Variants in RWDD3 observed in about 807,000 individuals in gnomAD.
The protein encoded by RWDD3 is RWD domain-containing protein 3.
RWDD3 carries 30 observed loss-of-function variants against 26.5 expected under a neutral mutation model. The ratio of observed to expected loss-of-function variants is 1.13; its 90% CI spans 0.85 to 1.54. RWDD3 has a LOEUF of 1.54. RWDD3 is among the 40% of genes most tolerant of loss of function. The pLI is 0.00. For missense variants in RWDD3, 296 were observed against 309.1 expected (o/e 0.96, Z 0.32); for synonymous variants, 113 against 114.5 (o/e 0.99, Z 0.09).
intron 1 of RWDD3, among the ~76,000 whole-genome samples, chr1:95,242,645 G>A (rs1471869256): frequency 1.3e-5 from 2 of 152,142 alleles, no homozygotes; most frequent in East Asian, 1.9e-4. Context: ...TAGGCCGGGT[G>A]CGGTGGCTCA....
intron 1 of RWDD3, among the ~76,000 whole-genome samples, chr1:95,239,367 G>C (rs1680508323): frequency 6.6e-6 from 1 of 152,174 alleles, no homozygotes; most frequent in South Asian, 2.1e-4. Context: ...TGTGTCATAT[G>C]AAAAATTCTG....
chr1:95,237,797 A>G (rs915092896), intron 1 of RWDD3, among the ~76,000 whole-genome samples: 6 of 152,154 alleles, frequency 3.9e-5, no homozygotes, highest in African/African-American at 1.2e-4. Flanking sequence ...TACTTCACAG[A>G]GAAGATAACT....
rs148567365 is a variant in RWDD3 at position 95,241,232 on chromosome 1, C to A, written c.86-2979C>A. ...ACAACTGCAGTTCCTTGGTCACTAA[C>A]ACACTTCCATGGATTCAGCCAGTAA... On this transcript the variant is annotated intron_variant, in intron 1 of 3. Transcript: ENST00000370202. Among the ~76,000 whole-genome samples the A allele has an allele frequency of 9.2e-5, 14 of 152,180 alleles. No individual in the cohort carries two copies. In the East Asian group the frequency reaches 2.7e-3, roughly 29 times the overall value.
intron 1 of RWDD3, among the ~76,000 whole-genome samples, chr1:95,237,130 A>G (rs1413584778): frequency 1.3e-5 from 2 of 152,104 alleles, no homozygotes; most frequent in East Asian, 3.8e-4. Context: ...TGATGTTCAC[A>G]AGTGGGAATT....
At chr1:95,244,076 C>G (rs935387624) in intron 1 of RWDD3, 135 bp from the exon 2 acceptor site, 2 of 1,311,324 alleles carry the variant, frequency 1.5e-6, no homozygotes, top group East Asian at 2.4e-5. Flanking sequence ...CCTAGTATTA[C>G]GTGTCCCTTC....
At chr1:95,239,976 C>T (rs1370862168) in intron 1 of RWDD3, 2 of 1,272,076 alleles carry the variant, frequency 1.6e-6, no homozygotes, top group African/African-American at 3.1e-5. Context: ...GAAAAGGATT[C>T]TTCAAAGTTT....
Position 95,244,489 on chromosome 1 carries a change from A to C in RWDD3, c.364A>C (p.Ser122Arg). 1 of 1,614,216 alleles carries C rather than the reference A, an allele frequency of 6.2e-7. No individual in the cohort carries two copies. The highest frequency in any genetic ancestry group is 8.5e-7 in the Non-Finnish European group (1 of 1,180,032). ...TATCCTCAGCCAACCAGAAACTGGC[A>C]GTGGCAGTGAAAAGTGTACTTTTTC... ...RHILSQPETGSGSEKCTFSTS... is the reference protein window; with the variant it reads ...RHILSQPETGRGSEKCTFSTS... The change falls in exon 2 of 4, where the codon AGT becomes CGT. Residue 122 changes from serine to arginine, a missense_variant. By Grantham distance (110) the Ser-to-Arg change is moderately radical. Coordinates refer to ENST00000370202, the MANE Select transcript of RWDD3 (RefSeq NM_015485.5).
intron 1 of RWDD3, chr1:95,243,654 T>C (rs1323823419): frequency 6.5e-6 from 1 of 153,296 alleles, no homozygotes; most frequent in Non-Finnish European, 1.5e-5. Flanking sequence ...ATTATACTGA[T>C]ACTAATATAT....
At chr1:95,245,366 A>G (rs1680811894) in intron 2 of RWDD3, among the ~76,000 whole-genome samples, 1 of 152,204 alleles carries the variant, frequency 6.6e-6, no homozygotes, top group African/African-American at 2.4e-5. Context: ...AGATGAGGAA[A>G]ACTGTTTTTT....
chr1:95,240,098 C>T (rs1407140934), intron 1 of RWDD3, among the ~76,000 whole-genome samples: 1 of 152,142 alleles, frequency 6.6e-6, no homozygotes, highest in African/African-American at 2.4e-5. Flanking sequence ...CCTGGGTAAT[C>T]CAGGATAATA....
chr1:95,245,416 T>A (rs1680813926), intron 2 of RWDD3, among the ~76,000 whole-genome samples: 1 of 152,240 alleles, frequency 6.6e-6, no homozygotes, highest in Admixed American at 6.5e-5. Flanking sequence ...CAATAGGTTT[T>A]ATACTTTCAG....
intron 1 of RWDD3, among the ~76,000 whole-genome samples, chr1:95,235,339 A>G (rs1169829650): frequency 7.8e-6 from 1 of 128,322 alleles, no homozygotes; most frequent in East Asian, 2.4e-4. Flanking sequence ...GGCGTGAGCC[A>G]CTGCGCCCGG....
chr1:95,245,280 G>T (rs1680808010), intron 2 of RWDD3, among the ~76,000 whole-genome samples: 1 of 152,108 alleles, frequency 6.6e-6, no homozygotes. Flanking sequence ...CTCAGCAGTT[G>T]CTTTCAAAAT....
chr1:95,244,925 G>A (rs1680791360), intron 2 of RWDD3: 3 of 495,250 alleles, frequency 6.1e-6, no homozygotes, highest in Non-Finnish European at 3.5e-6. Context: ...TAAAAATCAT[G>A]TCACTTAATA....
rs186314109 is a variant in RWDD3, at chr1:95,244,005, G to A, written c.86-206G>A. Among the ~76,000 whole-genome samples, 32 of 152,328 alleles carry A rather than the reference G, an allele frequency of 2.1e-4. No individual in the cohort carries two copies. In the East Asian group the frequency reaches 4.0e-3, roughly 19 times the overall value. On this transcript the variant is annotated intron_variant, in intron 1 of 3. Transcript: ENST00000370202. ...TGCCAGTTAAATCCTGGGTGCTGGT[G>A]TGTGTGAATACATGAATACATGTGT...
At chr1:95,239,692 C>A (rs752081349) in intron 1 of RWDD3, 2 of 1,125,780 alleles carry the variant, frequency 1.8e-6, no homozygotes, top group Non-Finnish European at 2.3e-6. Context: ...CAGTTTTCTT[C>A]CGAACATATA....
chr1:95,234,170 C>T, upstream of RWDD3: 4 of 1,515,316 alleles, frequency 2.6e-6, no homozygotes, highest in East Asian at 2.5e-5. Context: ...TGCTCCTGGC[C>T]GGTGGAGGCG....
intron 2 of RWDD3, chr1:95,244,946 T>C (rs182942519): frequency 4.7e-4 from 207 of 441,954 alleles, no homozygotes; most frequent in Admixed American, 8.2e-4. Context: ...AAGTGACAGG[T>C]TATTTAAAAG....
At chr1:95,242,850 C>T (rs1473920417) in intron 1 of RWDD3, among the ~76,000 whole-genome samples, 4 of 151,534 alleles carry the variant, frequency 2.6e-5, no homozygotes, top group South Asian at 2.1e-4. Flanking sequence ...ACCTGGCAGG[C>T]GGAGGTTGCA....
Sources: gnomAD v4.1 joint callset for allele counts (sites outside exome capture counted in the v4.1 genomes callset) on GRCh38, gnomAD v4.1.1 for gene constraint, MANE v1.5 for transcripts, NCBI Gene and HGNC (gene_info 2026-07-23, HGNC 2026-07-21) for gene names.